FAM149A: variants seen among roughly 807,000 people sequenced by gnomAD.
FAM149A encodes family with sequence similarity 149 member A.
FAM149A carries 71 observed loss-of-function variants against 78.2 expected under a neutral mutation model. The observed-to-expected ratio is 0.91, with a 90% confidence interval of 0.75 to 1.11. FAM149A has a LOEUF of 1.11. Ranked by LOEUF, FAM149A falls within the 50% of genes least tolerant of loss-of-function variation. The probability of loss-of-function intolerance (pLI) is 0.00; values close to 1 mark genes in which losing one functional copy is unlikely to be tolerated. For synonymous variants in FAM149A, 446 were observed against 410.5 expected, an observed-to-expected ratio of 1.09 and a Z score of -1.04; for missense variants, 1,036 against 971.0, an observed-to-expected ratio of 1.07 and a Z score of -0.89.
chr4:186,171,562 T>C (rs1735536297), intron 13 of FAM149A, among the ~76,000 whole-genome samples: 7 of 152,160 alleles, frequency 4.6e-5, no homozygotes. Flanking sequence ...GAAGGATCCC[T>C]TAAAGTACCT....
At chr4:186,158,437 G>T in intron 8 of FAM149A, 3 of 1,156,280 alleles carry the variant, frequency 2.6e-6, no homozygotes, top group South Asian at 3.8e-5. Flanking sequence ...GGGCATGCGT[G>T]ACACCATCCC....
intron 2 of FAM149A, chr4:186,149,574 T>C (rs1003639306): frequency 3.1e-6 from 4 of 1,289,880 alleles, no homozygotes; most frequent in Non-Finnish European, 2.0e-6. Context: ...AGCAAATCCT[T>C]GTCATCCTTT....
At position 186,105,776 on chromosome 4, in the gene FAM149A, C is replaced by T. The variant is rs114336415; in HGVS notation, c.566+134C>T. 1,839 of 531,346 alleles carry T rather than the reference C, an allele frequency of 3.5e-3. 4 individuals are homozygous for T. The highest frequency in any genetic ancestry group is 6.3e-3 in the Admixed American group (99 of 15,790). The allele number at this position is 531,346 out of a possible 1,614,324, so 32.9% of individuals were successfully genotyped here. A position where few individuals can be genotyped will look rare whatever the true frequency, so the allele number is the denominator to read the frequency against. Reference sequence around the variant, plus strand: ...GTAACTTTCATAACCCCCTGGGCACCCTCCTTGCACGTTTCCTGGGTTTTT... The same window carrying T: ...GTAACTTTCATAACCCCCTGGGCACTCTCCTTGCACGTTTCCTGGGTTTTT... On this transcript the variant is annotated intron_variant, in intron 1 of 13. Coordinates refer to ENST00000389354, the MANE Select transcript of FAM149A (RefSeq NM_001367768.3).
chr4:186,131,821 C>T (rs1461413524), intron 1 of FAM149A: 1 of 899,028 alleles, frequency 1.1e-6, no homozygotes, highest in African/African-American at 1.8e-5. Flanking sequence ...AAAATAATTG[C>T]TAACCAAAAA....
At chr4:186,167,579 A>G (rs1321470942) in intron 13 of FAM149A, 1 of 359,480 alleles carries the variant, frequency 2.8e-6, no homozygotes, top group Admixed American at 3.8e-5. Flanking sequence ...TAGCGTTTTC[A>G]TGCTCTATTT....
rs1167616486 is a variant in FAM149A, at chr4:186,172,439, C to A, written c.*452C>A. The A allele has an allele frequency of 8.9e-6, 1 of 112,454 alleles. No homozygotes were observed. Among genetic ancestry groups the A allele is most frequent in the African/African-American group, 2.8e-5 (1 of 35,766 alleles). The allele number at this position is 112,454 out of a possible 1,614,324, so 7.0% of individuals were successfully genotyped here. On this transcript the variant is annotated 3_prime_UTR_variant, in exon 14 of 14. Transcript: ENST00000389354. ...CGCTAGTAGATATTAGTATTTGAGA[C>A]AATATGTCAGAGTCTGAATAAGACT...
At chr4:186,145,235 C>G in intron 1 of FAM149A, 1 of 785,318 alleles carries the variant, frequency 1.3e-6, no homozygotes, top group Non-Finnish European at 1.5e-6. Context: ...CGGGAAGCGT[C>G]AGGCCGGCCC....
At chr4:186,118,317 C>A in intron 1 of FAM149A, 1 of 842,556 alleles carries the variant, frequency 1.2e-6, no homozygotes, top group Non-Finnish European at 1.4e-6. Context: ...CCATTAGCTA[C>A]CTGCTTGCAG....
At chr4:186,141,628 T>C (rs374182806) in intron 1 of FAM149A, among the ~76,000 whole-genome samples, 4 of 152,296 alleles carry the variant, frequency 2.6e-5, no homozygotes, top group East Asian at 1.9e-4. Flanking sequence ...ATAAGAAATA[T>C]AGAAGTCAAG....
chr4:186,160,374 T>A (rs1310385640), intron 8 of FAM149A, among the ~76,000 whole-genome samples: 1 of 103,572 alleles, frequency 9.7e-6, no homozygotes, highest in Non-Finnish European at 1.9e-5. Flanking sequence ...ACATACCACA[T>A]ACACACACAC....
At position 186,167,249 on chromosome 4, in the gene FAM149A, A is replaced by G; in HGVS notation, c.2205A>G (p.Gln735=). The G allele has an allele frequency of 1.2e-6, 2 of 1,613,258 alleles. No individual in the cohort carries two copies. The highest frequency in any genetic ancestry group is 1.1e-5 in the South Asian group (1 of 91,074). ...TTGCTGCTCACACATGGACAGGTCA[A>G]AGTATTTTGACAGGTCAGCTTTTCT... Residue 735 remains glutamine, a synonymous_variant, in exon 13 of 14, where the codon CAA becomes CAG. Transcript: ENST00000389354.
At position 186,156,263 on chromosome 4, in the gene FAM149A, A is replaced by G; in HGVS notation, c.1420+73A>G. 12 of 1,301,864 alleles carry G rather than the reference A, an allele frequency of 9.2e-6. No homozygotes were observed. The Middle Eastern group carries it at 1.8e-3, about 191-fold the overall frequency. 80.6% of individuals were successfully genotyped at this position (1,301,864 alleles called of 1,614,324 possible). ...CTTCGGCCCTGGGCTCCTGCTCCCC[A>G]GCTTGGCCAGACCTAGAACGTGACC... On this transcript the variant is annotated intron_variant, in intron 7 of 13. Coordinates refer to ENST00000389354, the MANE Select transcript of FAM149A (RefSeq NM_001367768.3).
intron 1 of FAM149A, among the ~76,000 whole-genome samples, chr4:186,142,448 C>T (rs915580177): frequency 6.6e-6 from 1 of 152,148 alleles, no homozygotes; most frequent in African/African-American, 2.4e-5. Context: ...GGCCAGAGGA[C>T]GGTTATGGCG....
At position 186,133,744 on chromosome 4, in the gene FAM149A, C is replaced by T. The variant is rs1371866531; in HGVS notation, c.567-15429C>T. On this transcript the variant is annotated intron_variant, in intron 1 of 13. Transcript: ENST00000389354. ...GATCATAGCTCACTGCAACCCTGACCTCCTGGGCTCAGGTGATCCTCCTGC... is the reference window on the plus strand; with the variant it reads ...GATCATAGCTCACTGCAACCCTGACTTCCTGGGCTCAGGTGATCCTCCTGC... Among the ~76,000 whole-genome samples the T allele has an allele frequency of 2.0e-5, 3 of 152,170 alleles. 1 individual carries two copies. Among genetic ancestry groups the T allele is most frequent in the South Asian group, 4.2e-4 (2 of 4,816 alleles).
intron 1 of FAM149A, among the ~76,000 whole-genome samples, chr4:186,134,495 T>G (rs920866780): frequency 1.3e-5 from 2 of 152,106 alleles, no homozygotes; most frequent in African/African-American, 4.8e-5. Flanking sequence ...GCCTGAGTTC[T>G]CCTTTCAGCT....
chr4:186,151,168 C>A, intron 3 of FAM149A: 1 of 544,120 alleles, frequency 1.8e-6, no homozygotes, highest in Non-Finnish European at 2.3e-6. Flanking sequence ...CTTTCACGCA[C>A]GCAGCTCCCT....
At chr4:186,171,793 A>G in intron 13 of FAM149A, 121 bp from the exon 14 acceptor site, 1 of 688,764 alleles carries the variant, frequency 1.5e-6, no homozygotes. Context: ...AATTTATACA[A>G]AAGTGTATTA....
At position 186,144,696 on chromosome 4, in the gene FAM149A, G is replaced by A. The variant is rs1732836004; in HGVS notation, c.567-4477G>A. On this transcript the variant is annotated intron_variant, in intron 1 of 13. Transcript: ENST00000389354. The surrounding 1 kb of genome is among the most constrained non-coding windows in gnomAD (Gnocchi z 4.2). ...GAAACCCGGCCCGGCAGGGAGCGGG[G>A]AAGGCGCGCTTTCCCGGAGGTCGGC... 1 of 578,014 alleles carries A rather than the reference G, an allele frequency of 1.7e-6. No individual in the cohort carries two copies. Among genetic ancestry groups the A allele is most frequent in the African/African-American group, 2.0e-5 (1 of 49,162 alleles). 35.8% of individuals were successfully genotyped at this position (578,014 alleles called of 1,614,324 possible). A position where few individuals can be genotyped will look rare whatever the true frequency, so the allele number is the denominator to read the frequency against.
At chr4:186,165,959 C>T (rs988156665) in intron 11 of FAM149A, among the ~76,000 whole-genome samples, 2 of 152,202 alleles carry the variant, frequency 1.3e-5, no homozygotes, top group Non-Finnish European at 2.9e-5. Context: ...ATTATGAGCT[C>T]AGTAAATTAG....
Sources: gnomAD v4.1 joint callset for allele counts (sites outside exome capture counted in the v4.1 genomes callset) on GRCh38, gnomAD v4.1.1 for gene constraint, Gnocchi (gnomAD v3.1) non-coding constraint, MANE v1.5 for transcripts, NCBI Gene and HGNC (gene_info 2026-07-23, HGNC 2026-07-21) for gene names.